SLC30A8: variants seen among roughly 807,000 people sequenced by gnomAD.
SLC30A8 encodes proton-coupled zinc antiporter SLC30A8.
SLC30A8 carries 27 observed loss-of-function variants against 36.9 expected under a neutral mutation model. The ratio of observed to expected loss-of-function variants is 0.73; its 90% CI spans 0.54 to 1.01. The LOEUF is 1.01. Ranked by LOEUF, SLC30A8 falls within the 50% of genes least tolerant of loss-of-function variation. SLC30A8 has a pLI of 0.00. For synonymous variants in SLC30A8, 164 were observed against 172.4 expected, an observed-to-expected ratio of 0.95 and a Z score of 0.38; for missense variants, 439 against 452.0, an observed-to-expected ratio of 0.97 and a Z score of 0.26.
chr8:117,149,128 T>C (rs1347818568), intron 2 of SLC30A8, among the ~76,000 whole-genome samples: 1 of 152,254 alleles, frequency 6.6e-6, no homozygotes, highest in Non-Finnish European at 1.5e-5. Flanking sequence ...TTAAGCAAAA[T>C]GCTTCTTGAA....
chr8:116,990,280 C>T (rs1815587731), intron 1 of SLC30A8, among the ~76,000 whole-genome samples: 1 of 151,714 alleles, frequency 6.6e-6, no homozygotes, highest in African/African-American at 2.4e-5. Context: ...TACCTTTTCT[C>T]TTTGAATATG....
At chr8:117,168,874 C>T (rs1052639380) in intron 6 of SLC30A8, among the ~76,000 whole-genome samples, 1 of 152,122 alleles carries the variant, frequency 6.6e-6, no homozygotes, top group African/African-American at 2.4e-5. Context: ...TCTGTGTGGC[C>T]TTAGCAATGT....
chr8:117,167,155 G>T (rs958326831), intron 6 of SLC30A8, among the ~76,000 whole-genome samples: 1 of 151,928 alleles, frequency 6.6e-6, no homozygotes, highest in African/African-American at 2.4e-5. Context: ...CTTATATTCC[G>T]CTTTTCTTTG....
intron 2 of SLC30A8, among the ~76,000 whole-genome samples, chr8:117,069,013 C>T (rs1020734689): frequency 4.6e-5 from 7 of 152,262 alleles, no homozygotes; most frequent in African/African-American, 7.2e-5. Context: ...TCTTGAATTT[C>T]GCCTTTATTT....
chr8:117,150,392 C>A (rs953697565), intron 2 of SLC30A8, among the ~76,000 whole-genome samples: 1 of 152,114 alleles, frequency 6.6e-6, no homozygotes, highest in African/African-American at 2.4e-5. Context: ...TTTGTGAGAC[C>A]CAGGCCCCAT....
intron 1 of SLC30A8, among the ~76,000 whole-genome samples, chr8:116,998,414 C>T (rs907239952): frequency 6.6e-6 from 1 of 152,190 alleles, no homozygotes; most frequent in East Asian, 1.9e-4. Flanking sequence ...CTGCAAATTA[C>T]TGCCTGAGTC....
chr8:117,089,493 A>G (rs1345274652), intron 2 of SLC30A8, among the ~76,000 whole-genome samples: 1 of 152,096 alleles, frequency 6.6e-6, no homozygotes, highest in Non-Finnish European at 1.5e-5. Flanking sequence ...ACATCCCAAT[A>G]CCCAGTCATC....
chr8:117,069,602 A>T (rs1477126767), intron 2 of SLC30A8, among the ~76,000 whole-genome samples: 1 of 152,220 alleles, frequency 6.6e-6, no homozygotes, highest in African/African-American at 2.4e-5. Flanking sequence ...AAGTATTTTG[A>T]AGTTTTGAAT....
At chr8:117,047,676 C>T (rs763663594) in intron 2 of SLC30A8, among the ~76,000 whole-genome samples, 2 of 152,192 alleles carry the variant, frequency 1.3e-5, no homozygotes, top group South Asian at 2.1e-4. Context: ...TCGTCAGAGG[C>T]GTTTGAACCA....
rs1310051652 is a variant in SLC30A8 at position 117,006,897 on chromosome 8, T to C, written c.-265-32322T>C. On this transcript the variant is annotated intron_variant, in intron 1 of 10. Transcript: ENST00000427715. ...TCCCAGGTTCAAGTGATTCTCCTGC[T>C]TCAGCCTCCCTAGTAGCTGGGATTA... 4 of 147,092 alleles carry C rather than the reference T, an allele frequency of 2.7e-5. No homozygotes were observed. The Admixed American group carries it at 2.8e-4, about 10-fold the overall frequency. The allele number at this position is 147,092 out of a possible 1,614,324, so 9.1% of individuals were successfully genotyped here. A position where few individuals can be genotyped will look rare whatever the true frequency, so the allele number is the denominator to read the frequency against.
intron 2 of SLC30A8, among the ~76,000 whole-genome samples, chr8:117,050,781 C>T (rs1235334950): frequency 3.3e-5 from 5 of 152,112 alleles, no homozygotes; most frequent in African/African-American, 4.8e-5. Context: ...CTACTCACTC[C>T]TTAAAAAAGG....
At chr8:117,072,777 C>T (rs1818369914) in intron 2 of SLC30A8, among the ~76,000 whole-genome samples, 1 of 151,630 alleles carries the variant, frequency 6.6e-6, no homozygotes, top group Admixed American at 6.6e-5. Context: ...TCTTCATAAG[C>T]CAATAGCAAT....
At chr8:116,991,924 A>C (rs1048046848) in intron 1 of SLC30A8, among the ~76,000 whole-genome samples, 2 of 152,214 alleles carry the variant, frequency 1.3e-5, no homozygotes, top group East Asian at 3.8e-4. Flanking sequence ...TTAATTTTGC[A>C]GTGTCTTGTG....
upstream of SLC30A8, among the ~76,000 whole-genome samples, chr8:117,130,575 C>G (rs568382182): frequency 5.3e-5 from 8 of 151,734 alleles, no homozygotes; most frequent in Non-Finnish European, 1.0e-4. Flanking sequence ...TTCAGTGATG[C>G]TCTGTGCATT....
intron 2 of SLC30A8, among the ~76,000 whole-genome samples, chr8:117,050,300 C>T (rs1239698559): frequency 7.2e-5 from 11 of 152,044 alleles, no homozygotes; most frequent in African/African-American, 2.4e-4. Flanking sequence ...GGTGGTGGCT[C>T]GCAGTCCTCT....
intron 2 of SLC30A8, among the ~76,000 whole-genome samples, chr8:117,060,876 CAA>C (rs1818005995): frequency 6.6e-6 from 1 of 152,060 alleles, no homozygotes; most frequent in African/African-American, 2.4e-5. Flanking sequence ...ATTTTTAGTT[CAA>C]AATGTATTTT....
At position 117,146,946 on chromosome 8, in the gene SLC30A8, A is replaced by G. The variant is rs1821926133; in HGVS notation, c.72-8A>G. On this transcript the variant is annotated splice_polypyrimidine_tract_variant and splice_region_variant and intron_variant, in intron 1 of 7. Transcript: ENST00000456015. ...TTCACTTCTTGCTTCTGTCAAACTC[A>G]TCCATAGTGTGGAACTCCAACAGAA... The G allele has an allele frequency of 6.2e-7, 1 of 1,613,830 alleles. No individual in the cohort carries two copies. Among genetic ancestry groups the G allele is most frequent in the East Asian group, 2.2e-5 (1 of 44,854 alleles).
At chr8:117,092,729 G>A (rs868403470) in intron 2 of SLC30A8, among the ~76,000 whole-genome samples, 1 of 152,220 alleles carries the variant, frequency 6.6e-6, no homozygotes, top group Non-Finnish European at 1.5e-5. Context: ...CCTGGTACAA[G>A]CTGGGGAGGT....
At chr8:117,080,275 A>G (rs1447908326) in intron 2 of SLC30A8, among the ~76,000 whole-genome samples, 1 of 152,226 alleles carries the variant, frequency 6.6e-6, no homozygotes, top group African/African-American at 2.4e-5. Context: ...CACTTTCTTG[A>G]AATAACTACT....
Sources: gnomAD v4.1 joint callset for allele counts (sites outside exome capture counted in the v4.1 genomes callset) on GRCh38, gnomAD v4.1.1 for gene constraint, MANE v1.5 for transcripts, NCBI Gene and HGNC (gene_info 2026-07-23, HGNC 2026-07-21) for gene names.